The following WDR76 variants were observed in gnomAD, a reference collection of about 807,000 sequenced individuals.
WDR76 encodes the protein WD repeat domain 76.
In WDR76, 52 loss-of-function variants were observed where a neutral mutation model predicts 70.2. The ratio of observed to expected loss-of-function variants is 0.74; its 90% CI spans 0.59 to 0.93. The LOEUF (loss-of-function observed/expected upper bound fraction) is 0.93. Among genes scored for constraint, WDR76 ranks in the 40% least tolerant of loss-of-function variants. WDR76 has a pLI of 0.00. For synonymous variants in WDR76, 292 were observed against 271.1 expected, an observed-to-expected ratio of 1.08 and a Z score of -0.76; for missense variants, 756 against 760.2, an observed-to-expected ratio of 0.99 and a Z score of 0.07.
At chr15:43,843,810 A>C in intron 7 of WDR76, 91 bp from the exon 8 acceptor site, 1 of 1,155,438 alleles carries the variant, frequency 8.7e-7, no homozygotes. Flanking sequence ...TTTATTTGCT[A>C]ATTGTGATTT....
intron 4 of WDR76, 150 bp from the exon 5 acceptor site, chr15:43,839,455 T>A: frequency 2.4e-6 from 2 of 820,026 alleles, no homozygotes; most frequent in East Asian, 6.6e-5. Flanking sequence ...TCCATACTTC[T>A]TATTAAGATA....
intron 9 of WDR76, among the ~76,000 whole-genome samples, chr15:43,852,659 G>C (rs1350578674): frequency 1.3e-5 from 2 of 152,002 alleles, no homozygotes; most frequent in Non-Finnish European, 2.9e-5. Flanking sequence ...GTGAGCCACT[G>C]TGTGTGGTCA....
intron 5 of WDR76, among the ~76,000 whole-genome samples, chr15:43,840,579 T>C (rs1479732136): frequency 6.6e-5 from 10 of 152,208 alleles, no homozygotes; most frequent in African/African-American, 2.2e-4. Context: ...AATAGGAAGA[T>C]AGCACTAATT....
chr15:43,842,538 A>G, intron 6 of WDR76, 22 bp downstream of exon 6: 1 of 1,608,414 alleles, frequency 6.2e-7, no homozygotes, highest in Non-Finnish European at 8.5e-7. Flanking sequence ...GAAGGCCAAT[A>G]GCCTTTAGAA....
chr15:43,836,199 G>C lies in WDR76; in HGVS notation c.591G>C (p.Gln197His). ...ARLREMIEKR[Q>H]PPKSKRKKPK... is the part of the protein sequence containing the mutation. ...TCCGTGAAATGATAGAGAAGAGACA[G>C]CCTCCTAAATCCAAAAGGTAAAATA... is the stretch of plus-strand genomic sequence containing the variant. Residue 197 changes from glutamine to histidine, a missense_variant, in exon 4 of 13, where the codon CAG becomes CAC. Physicochemically the swap from Gln to His is conservative, Grantham distance 24. Transcript: ENST00000263795. The C allele has an allele frequency of 6.2e-7, 1 of 1,609,674 alleles. No homozygotes were observed.
intron 4 of WDR76, among the ~76,000 whole-genome samples, chr15:43,838,945 G>A (rs1284324190): frequency 4.6e-5 from 7 of 151,986 alleles, no homozygotes; most frequent in Non-Finnish European, 4.4e-5. Flanking sequence ...TCAATCAGTA[G>A]GTTTTACTAA....
At chr15:43,837,054 A>AC (rs1401548012) in intron 4 of WDR76, among the ~76,000 whole-genome samples, 4 of 148,976 alleles carry the variant, frequency 2.7e-5, no homozygotes, top group Admixed American at 2.7e-4. Flanking sequence ...AAAAAAAAAA[A>AC]AACAAAAAAA....
intron 3 of WDR76, 96 bp downstream of exon 3, chr15:43,835,246 C>CG: frequency 8.9e-7 from 1 of 1,121,442 alleles, no homozygotes; most frequent in African/African-American, 1.5e-5. Context: ...ATGGGAGAAT[C>CG]GCTTGAGGCC....
At chr15:43,843,019 T>G (rs979264552) in intron 7 of WDR76, among the ~76,000 whole-genome samples, 1 of 147,410 alleles carries the variant, frequency 6.8e-6, no homozygotes, top group Admixed American at 6.7e-5. Context: ...TTTTCTTTTT[T>G]TTTTTTTTTT....
At chr15:43,830,935 C>G (rs1199367213) in intron 2 of WDR76, among the ~76,000 whole-genome samples, 1 of 152,044 alleles carries the variant, frequency 6.6e-6, no homozygotes, top group Non-Finnish European at 1.5e-5. Context: ...GTAGTCCCAG[C>G]TACTCAGGAG....
At chr15:43,861,260 G>A in intron 11 of WDR76, 73 bp from the exon 12 acceptor site, 2 of 1,237,260 alleles carry the variant, frequency 1.6e-6, no homozygotes, top group Non-Finnish European at 2.4e-6. Context: ...TGAGAAGCTT[G>A]TTAAATACAC....
intron 12 of WDR76, among the ~76,000 whole-genome samples, chr15:43,862,748 C>T (rs1223177179): frequency 2.0e-5 from 3 of 151,710 alleles, no homozygotes; most frequent in Non-Finnish European, 4.4e-5. Context: ...GACCTCGTGA[C>T]CCACCTGCCT....
At chr15:43,844,158 C>G (rs1017193169) in intron 8 of WDR76, 104 bp downstream of exon 8, 4 of 1,093,248 alleles carry the variant, frequency 3.7e-6, no homozygotes, top group Non-Finnish European at 4.9e-6. Context: ...GTGAGACTTA[C>G]AATTTTGGGC....
rs765142190 is a variant in WDR76 at position 43,828,037 on chromosome 15, A to G, written c.133A>G (p.Lys45Glu). The change falls in exon 2 of 13, where the codon AAA (lysine) becomes GAA (glutamate). Residue 45 changes from lysine (K) to glutamate (E), a missense_variant. Coordinates refer to ENST00000263795, the MANE Select transcript of WDR76 (RefSeq NM_024908.4). ...ACCAGCACAGACTACAGTTTTAATA[A>G]AAACAGCTAAGGTCTATCTTGCCCC... Reference protein sequence around the residue: ...LRPAQTTVLIKTAKVYLAPFS... With the variant: ...LRPAQTTVLIETAKVYLAPFS... 1.2e-6 allele frequency: 2 copies of G among 1,614,134 alleles called. No homozygotes were observed. Among genetic ancestry groups the G allele is most frequent in the Admixed American group, 3.3e-5 (2 of 60,006 alleles).
intron 2 of WDR76, 148 bp downstream of exon 2, chr15:43,828,514 T>C: frequency 1.3e-6 from 1 of 754,238 alleles, no homozygotes; most frequent in Non-Finnish European, 2.0e-6. Context: ...ATTTTTATTA[T>C]TTTTAAGGTT....
At chr15:43,849,799 G>A (rs2087833874) in intron 8 of WDR76, among the ~76,000 whole-genome samples, 1 of 152,162 alleles carries the variant, frequency 6.6e-6, no homozygotes, top group Non-Finnish European at 1.5e-5. Context: ...GCCTCCCAAA[G>A]TGCTGGGATT....
chr15:43,836,479 C>T (rs1225719189), intron 4 of WDR76, among the ~76,000 whole-genome samples: 1 of 152,062 alleles, frequency 6.6e-6, no homozygotes, highest in Non-Finnish European at 1.5e-5. Context: ...TCTTTATTTC[C>T]ACTAAATTAC....
chr15:43,838,255 G>C (rs910079843), intron 4 of WDR76, among the ~76,000 whole-genome samples: 1 of 151,896 alleles, frequency 6.6e-6, no homozygotes, highest in African/African-American at 2.4e-5. Context: ...GTGTAATCTT[G>C]GCTCACTGCA....
chr15:43,858,021 C>T (rs549667365), intron 10 of WDR76, among the ~76,000 whole-genome samples: 1 of 144,704 alleles, frequency 6.9e-6, no homozygotes, highest in Non-Finnish European at 1.5e-5. Context: ...CAACCTCCGC[C>T]TCCCAGGTTC....
Sources: allele counts gnomAD v4.1 joint callset (sites outside exome capture counted in the v4.1 genomes callset), GRCh38; gene constraint gnomAD v4.1.1; transcripts MANE v1.5; gene names NCBI Gene and HGNC (gene_info 2026-07-23, HGNC 2026-07-21).